Variants in POMZP3 observed in about 807,000 individuals in gnomAD.
The protein encoded by POMZP3 is POM121 and ZP3 fusion protein.
Under a neutral mutation model 19.8 loss-of-function variants are expected in POMZP3, and 10 were observed. The observed-to-expected ratio is 0.51, with a 90% CI of 0.31 to 0.86. The LOEUF is 0.86. Among genes scored for constraint, POMZP3 ranks in the 40% least tolerant of loss-of-function variants. The pLI is 0.04. For synonymous variants in POMZP3, 57 were observed against 85.8 expected (o/e 0.66, Z 1.85); for missense variants, 152 against 228.1 (o/e 0.67, Z 2.15).
At chr7:76,620,696 G>A (rs1160355687) in intron 3 of POMZP3, among the ~76,000 whole-genome samples, 1 of 151,858 alleles carries the variant, frequency 6.6e-6, no homozygotes, top group East Asian at 1.9e-4. Flanking sequence ...TTGAACTTCT[G>A]ACCTCAGGTG....
chr7:76,625,704 C>G, intron 2 of POMZP3, 21 bp from the exon 3 acceptor site: 2 of 1,608,756 alleles, frequency 1.2e-6, no homozygotes, highest in Non-Finnish European at 1.7e-6. Context: ...AGACAGGATT[C>G]TAGCAGTAAG....
At chr7:76,611,292 C>G (rs1815085360) in intron 6 of POMZP3, among the ~76,000 whole-genome samples, 162 bp downstream of exon 6, 3 of 151,790 alleles carry the variant, frequency 2.0e-5, no homozygotes, top group African/African-American at 7.3e-5. Flanking sequence ...GAGCCCCCTC[C>G]TGCTTAACCC....
In POMZP3 at chr7:76,625,964, G is replaced by C. The variant is rs202043716; in HGVS notation, c.65+36C>G. On this transcript the variant is annotated intron_variant, in intron 2 of 6. Transcript: ENST00000310842. Reference sequence around the variant, plus strand: ...AACTGGAGAAGAATAAAGTGGACACGAAAAGGGAGAGTATTCTTCCAACGA... The same window carrying C: ...AACTGGAGAAGAATAAAGTGGACACCAAAAGGGAGAGTATTCTTCCAACGA... 575 of 1,611,298 alleles carry C rather than the reference G, an allele frequency of 3.6e-4. 11 individuals are homozygous for C. In the East Asian group the frequency reaches 0.012, roughly 33 times the overall value.
intron 3 of POMZP3, among the ~76,000 whole-genome samples, chr7:76,618,829 C>T (rs1234080379): frequency 1.3e-5 from 2 of 151,774 alleles, no homozygotes; most frequent in East Asian, 3.9e-4. Flanking sequence ...ACAGTGTCTC[C>T]CAGGCTGGAG....
intron 4 of POMZP3, among the ~76,000 whole-genome samples, chr7:76,615,989 A>G (rs6947757): frequency 0.011 from 269 of 23,406 alleles, 5 homozygotes; most frequent in East Asian, 0.018. Flanking sequence ...AAAAAAAAAA[A>G]GGGGGGGGGG....
chr7:76,622,359 C>A (rs1244753220), intron 3 of POMZP3, among the ~76,000 whole-genome samples: 1 of 136,680 alleles, frequency 7.3e-6, no homozygotes, highest in Admixed American at 7.6e-5. Context: ...TTTCCTGTAA[C>A]ACTATCATTC....
intron 3 of POMZP3, 164 bp from the exon 4 acceptor site, chr7:76,618,464 A>G (rs1005005369): frequency 1.1e-6 from 1 of 937,762 alleles, no homozygotes; most frequent in African/African-American, 1.6e-5. Context: ...TCTACTAAAA[A>G]TACAAAAATT....
In POMZP3 at chr7:76,621,947, A is replaced by G. The variant is rs1442671245; in HGVS notation, c.227+3575T>C. ...AGCAAGACTCCGTTTCAAAAAATAA[A>G]TAAATAAATAAATAAATAAATAAAT... On this transcript the variant is annotated intron_variant, in intron 3 of 6. Transcript: ENST00000310842. Among the ~76,000 whole-genome samples, 61 of 91,318 alleles carry G rather than the reference A, an allele frequency of 6.7e-4. 12 individuals carry two copies. The highest frequency in any genetic ancestry group is 2.5e-3 in the African/African-American group (55 of 21,712). 59.9% of individuals were successfully genotyped at this position (91,318 alleles called of 152,430 possible). A position where few individuals can be genotyped will look rare whatever the true frequency, so the allele number is the denominator to read the frequency against.
chr7:76,626,760 A>G lies in POMZP3; in HGVS notation c.-204T>C. The G allele has an allele frequency of 7.3e-7, 1 of 1,375,626 alleles. No individual in the cohort carries two copies. Among genetic ancestry groups the G allele is most frequent in the Non-Finnish European group, 9.3e-7 (1 of 1,074,442 alleles). 85.2% of individuals were successfully genotyped at this position (1,375,626 alleles called of 1,614,324 possible). ...AGAAGAGGAGTGGGGAGAGAGGGGT[A>G]AAAGTGGTGAACGCGATGGGTCGGC... On this transcript the variant is annotated 5_prime_UTR_variant, in exon 1 of 7. Coordinates refer to ENST00000310842, the MANE Select transcript of POMZP3 (RefSeq NM_012230.5).
chr7:76,626,337 C>T (rs1365785304), intron 1 of POMZP3, 122 bp from the exon 2 acceptor site: 8 of 999,768 alleles, frequency 8.0e-6, no homozygotes, highest in Non-Finnish European at 1.2e-5. Context: ...CTACGCAACA[C>T]AGAACACGTT....
At position 76,626,711 on chromosome 7, in the gene POMZP3, G is replaced by C. The variant is rs1815919483; in HGVS notation, c.-155C>G. ...TGGGAAAATCAGCGCATCTCACCGT[G>C]GGGAAGGCCTCCCGGAGGGTCGGAG... On this transcript the variant is annotated 5_prime_UTR_variant, in exon 1 of 7. Coordinates refer to ENST00000310842, the MANE Select transcript of POMZP3 (RefSeq NM_012230.5). 1.4e-6 allele frequency: 2 copies of C among 1,383,032 alleles called. No individual in the cohort carries two copies. The highest frequency in any genetic ancestry group is 3.6e-5 in the Admixed American group (1 of 27,590). The allele number at this position is 1,383,032 out of a possible 1,614,324, so 85.7% of individuals were successfully genotyped here.
chr7:76,617,817 G>A (rs2116859536), intron 4 of POMZP3, among the ~76,000 whole-genome samples: 1 of 88,862 alleles, frequency 1.1e-5, no homozygotes, highest in East Asian at 2.8e-4. Context: ...CAGGTAGCTG[G>A]GATTACAGGT....
rs561930008 is a variant in POMZP3 at position 76,627,233 on chromosome 7, G to A, written c.-677C>T. The A allele has an allele frequency of 3.3e-4, 462 of 1,405,682 alleles. 17 individuals are homozygous for A. The African/African-American group carries it at 6.1e-3, about 19-fold the overall frequency. 87.1% of individuals were successfully genotyped at this position (1,405,682 alleles called of 1,614,324 possible). A position where few individuals can be genotyped will look rare whatever the true frequency, so the allele number is the denominator to read the frequency against. ...CCGCCGCCGCTCGCCTGCTCCAGCC[G>A]CCGCAGCCGCCGGAGACATCGCGGC... On this transcript the variant is annotated 5_prime_UTR_variant, in exon 1 of 7. Transcript: ENST00000310842.
intron 3 of POMZP3, among the ~76,000 whole-genome samples, chr7:76,619,589 CT>C (rs374900039): frequency 0.18 from 24,539 of 138,592 alleles, 2,324 homozygotes; most frequent in South Asian, 0.27. Flanking sequence ...GAGATGGTGT[CT>C]TTTTTTTTTT....
intron 3 of POMZP3, 131 bp downstream of exon 3, chr7:76,625,391 A>G: frequency 6.9e-7 from 1 of 1,457,704 alleles, no homozygotes; most frequent in African/African-American, 1.4e-5. Flanking sequence ...TTCTTTCATG[A>G]AAGCCAAAGA....
chr7:76,611,704 C>T lies in POMZP3; in HGVS notation c.437+18G>A, dbSNP rs530095344. 22 of 1,462,666 alleles carry T rather than the reference C, an allele frequency of 1.5e-5. 2 individuals are homozygous for T. The highest frequency in any genetic ancestry group is 4.9e-5 in the African/African-American group (3 of 61,504). The allele number at this position is 1,462,666 out of a possible 1,614,324, so 90.6% of individuals were successfully genotyped here. A position where few individuals can be genotyped will look rare whatever the true frequency, so the allele number is the denominator to read the frequency against. ...GCCGATTCAGTTTCTACTCCAGTCA[C>T]GGAGCACCTGTCCTCACCTGTTGGA... On this transcript the variant is annotated intron_variant, in intron 5 of 6. Coordinates refer to ENST00000310842, the MANE Select transcript of POMZP3 (RefSeq NM_012230.5).
chr7:76,622,442 G>A (rs62475943), intron 3 of POMZP3, among the ~76,000 whole-genome samples: 23,663 of 127,214 alleles, frequency 0.19, 2,756 homozygotes, highest in South Asian at 0.28. Context: ...GCAGTGGCAC[G>A]ATCTCAGCTC....
rs774747630 is a variant in POMZP3 at position 76,625,480 on chromosome 7, T to C, written c.227+42A>G. 1.4e-4 allele frequency: 229 copies of C among 1,598,900 alleles called. 3 individuals are homozygous for C. The highest frequency in any genetic ancestry group is 4.0e-4 in the Admixed American group (24 of 59,696). ...ATGTCTACATCTCATCCCATAGGAGTCCAAGCGGGAAACTGGCTTAGTACT... is the reference window on the plus strand; with the variant it reads ...ATGTCTACATCTCATCCCATAGGAGCCCAAGCGGGAAACTGGCTTAGTACT... On this transcript the variant is annotated intron_variant, in intron 3 of 6. Coordinates refer to ENST00000310842, the MANE Select transcript of POMZP3 (RefSeq NM_012230.5).
chr7:76,619,335 C>A (rs554863676), intron 3 of POMZP3, among the ~76,000 whole-genome samples: 1 of 152,180 alleles, frequency 6.6e-6, no homozygotes, highest in Admixed American at 6.5e-5. Context: ...TTGCAGTGAG[C>A]CGAGATCGTG....
Sources: gnomAD v4.1 joint callset for allele counts (sites outside exome capture counted in the v4.1 genomes callset) on GRCh38, gnomAD v4.1.1 for gene constraint, MANE v1.5 for transcripts, NCBI Gene and HGNC (gene_info 2026-07-23, HGNC 2026-07-21) for gene names.